The following SGCZ variants were observed in gnomAD, a reference collection of about 807,000 sequenced individuals.
SGCZ encodes zeta-sarcoglycan.
SGCZ carries 40 observed loss-of-function variants against 41.3 expected under a neutral mutation model. The ratio of observed to expected loss-of-function variants is 0.97; its 90% confidence interval spans 0.75 to 1.26. The LOEUF (loss-of-function observed/expected upper bound fraction) is 1.26. Among genes scored for constraint, SGCZ ranks in the 50% most tolerant of loss-of-function variants. SGCZ has a pLI of 0.00. For missense variants in SGCZ, 552 were observed against 369.8 expected (o/e 1.49, Z -4.04); for synonymous variants, 206 against 137.5 (o/e 1.50, Z -3.49).
intron 4 of SGCZ, among the ~76,000 whole-genome samples, chr8:14,170,768 A>G (rs895958417): frequency 2.6e-5 from 4 of 152,136 alleles, no homozygotes; most frequent in Non-Finnish European, 5.9e-5. Context: ...ATAGTCATTC[A>G]AATAGGTACA....
At chr8:14,802,669 C>T (rs2130507602) in intron 1 of SGCZ, among the ~76,000 whole-genome samples, 1 of 152,160 alleles carries the variant, frequency 6.6e-6, no homozygotes. Flanking sequence ...ATTTTCCTCC[C>T]CAAAACTAAA....
intron 2 of SGCZ, among the ~76,000 whole-genome samples, chr8:14,541,526 CT>C (rs2117152247): frequency 6.6e-6 from 1 of 152,188 alleles, no homozygotes; most frequent in South Asian, 2.1e-4. Flanking sequence ...GCCGCATTTT[CT>C]TTATCCAGTC....
chr8:15,212,482 A>T (rs984986850), intron 1 of SGCZ, among the ~76,000 whole-genome samples: 10 of 152,242 alleles, frequency 6.6e-5, no homozygotes, highest in Admixed American at 1.3e-4. Context: ...CTCCTTTTAA[A>T]ATAACTTGGG....
intron 1 of SGCZ, among the ~76,000 whole-genome samples, chr8:15,110,299 G>A (rs892125526): frequency 6.6e-6 from 1 of 152,128 alleles, no homozygotes; most frequent in African/African-American, 2.4e-5. Flanking sequence ...AGTATTATCT[G>A]AAGATGATTA....
intron 3 of SGCZ, among the ~76,000 whole-genome samples, chr8:14,275,319 C>A (rs1288385506): frequency 1.3e-5 from 2 of 152,146 alleles, no homozygotes; most frequent in East Asian, 1.9e-4. Context: ...TTTGATAAAA[C>A]CTGATCAAAA....
chr8:14,536,198 G>C (rs1803291456), intron 2 of SGCZ, among the ~76,000 whole-genome samples: 1 of 151,698 alleles, frequency 6.6e-6, no homozygotes, highest in African/African-American at 2.4e-5. Flanking sequence ...CTAATGAAAA[G>C]GTACATTTCC....
chr8:14,599,565 C>T (rs1377722381), intron 1 of SGCZ, among the ~76,000 whole-genome samples: 1 of 152,190 alleles, frequency 6.6e-6, no homozygotes. Flanking sequence ...TCTCTAATAT[C>T]TAGCCCCTTC....
intron 1 of SGCZ, among the ~76,000 whole-genome samples, chr8:15,100,902 G>A (rs965614520): frequency 2.0e-5 from 3 of 152,038 alleles, no homozygotes; most frequent in African/African-American, 4.8e-5. Context: ...CTTGAGCCCA[G>A]GAGATTGAGG....
rs182045075 is a variant in SGCZ, at chr8:14,468,733, G to C, written c.234+85999C>G. Among the ~76,000 whole-genome samples the C allele has an allele frequency of 5.9e-5, 9 of 152,092 alleles. 1 individual carries two copies. The South Asian group carries it at 1.7e-3, about 28-fold the overall frequency. Reference sequence around the variant, plus strand: ...TTTTTAGAGAAAAACATAAAAATCAGTTTCTCCTAGACTTTCAATTCAGTA... The same window carrying C: ...TTTTTAGAGAAAAACATAAAAATCACTTTCTCCTAGACTTTCAATTCAGTA... On this transcript the variant is annotated intron_variant, in intron 2 of 7. Transcript: ENST00000382080.
intron 1 of SGCZ, among the ~76,000 whole-genome samples, chr8:15,204,303 T>G (rs183181250): frequency 2.3e-3 from 347 of 152,226 alleles, no homozygotes; most frequent in African/African-American, 7.7e-3. Context: ...CAACTTAAAA[T>G]TCAAAAAGTA....
intron 1 of SGCZ, among the ~76,000 whole-genome samples, chr8:14,555,436 A>C (rs1209708240): frequency 6.6e-6 from 1 of 151,242 alleles, no homozygotes; most frequent in Non-Finnish European, 1.5e-5. Flanking sequence ...GCACCTCCCC[A>C]CTCCCTCTTG....
At chr8:14,447,735 G>C (rs1301395424) in intron 2 of SGCZ, among the ~76,000 whole-genome samples, 1 of 152,144 alleles carries the variant, frequency 6.6e-6, no homozygotes, top group African/African-American at 2.4e-5. Context: ...AAAATAAGTA[G>C]CCAGTGGAAT....
chr8:15,233,179 C>A (rs979387236), intron 1 of SGCZ, among the ~76,000 whole-genome samples: 15 of 151,856 alleles, frequency 9.9e-5, no homozygotes, highest in African/African-American at 3.6e-4. Flanking sequence ...AGGCAGGCTG[C>A]TAAAAATATG....
At chr8:14,276,446 G>T (rs117092703) in intron 3 of SGCZ, among the ~76,000 whole-genome samples, 1,578 of 152,178 alleles carry the variant, frequency 0.01, 69 homozygotes, top group East Asian at 0.07. Flanking sequence ...CGTGCCATGT[G>T]CTCTGCAAAG....
At chr8:14,837,888 T>A (rs555226854) in intron 1 of SGCZ, among the ~76,000 whole-genome samples, 2 of 152,280 alleles carry the variant, frequency 1.3e-5, no homozygotes, top group East Asian at 3.9e-4. Context: ...GGGATATCCA[T>A]CACCTCAAGC....
intron 2 of SGCZ, among the ~76,000 whole-genome samples, chr8:14,492,294 G>C (rs1330776973): frequency 6.6e-6 from 1 of 152,118 alleles, no homozygotes; most frequent in East Asian, 1.9e-4. Context: ...TAATGGGTAA[G>C]GATTGGTATA....
intron 1 of SGCZ, among the ~76,000 whole-genome samples, chr8:14,585,409 T>C (rs941890101): frequency 6.6e-6 from 1 of 152,082 alleles, no homozygotes; most frequent in South Asian, 2.1e-4. Context: ...AATTATAATG[T>C]TTATACTTCT....
intron 2 of SGCZ, among the ~76,000 whole-genome samples, chr8:14,334,500 T>C (rs767790642): frequency 3.3e-5 from 5 of 152,170 alleles, no homozygotes; most frequent in Admixed American, 6.5e-5. Context: ...ACATGTTACA[T>C]TTATTGTATT....
chr8:14,216,261 G>C (rs1805990071), intron 4 of SGCZ, among the ~76,000 whole-genome samples: 1 of 152,030 alleles, frequency 6.6e-6, no homozygotes, highest in Non-Finnish European at 1.5e-5. Flanking sequence ...TTCTTTCGAA[G>C]ATTTGCAAAC....
Sources: allele counts gnomAD v4.1 joint callset (sites outside exome capture counted in the v4.1 genomes callset), GRCh38; gene constraint gnomAD v4.1.1; transcripts MANE v1.5; gene names NCBI Gene and HGNC (gene_info 2026-07-23, HGNC 2026-07-21).